Variants in CCNJL observed in about 807,000 individuals in gnomAD.
CCNJL encodes the protein cyclin-J-like protein.
In CCNJL, 33 loss-of-function variants were observed where a neutral mutation model predicts 33.4. The observed-to-expected ratio is 0.99, with a 90% CI of 0.75 to 1.32. The LOEUF is 1.32. CCNJL is among the 40% of genes most tolerant of loss of function. The pLI is 0.00. For missense variants in CCNJL, 512 were observed against 499.7 expected, an observed-to-expected ratio of 1.02 and a Z score of -0.23; for synonymous variants, 227 against 220.9, an observed-to-expected ratio of 1.03 and a Z score of -0.24.
chr5:160,279,634 G>A (rs1280777835), intron 3 of CCNJL, among the ~76,000 whole-genome samples: 1 of 152,136 alleles, frequency 6.6e-6, no homozygotes, highest in Admixed American at 6.6e-5. Context: ...CTAGAGCCTC[G>A]GTGATGTTTA....
At chr5:160,328,879 C>CA (rs558876567) in intron 1 of CCNJL, among the ~76,000 whole-genome samples, 11,326 of 139,752 alleles carry the variant, frequency 0.081, 1,514 homozygotes, top group African/African-American at 0.28. Context: ...GACTCTGTCT[C>CA]AAAAAAAAAA....
At chr5:160,254,300 C>G in intron 5 of CCNJL, 1 of 666,262 alleles carries the variant, frequency 1.5e-6, no homozygotes, top group Non-Finnish European at 2.7e-6. Context: ...ACCAAATTGA[C>G]CGCTGGGGCC....
chr5:160,333,268 A>G (rs1171853998), intron 1 of CCNJL, among the ~76,000 whole-genome samples: 1 of 151,772 alleles, frequency 6.6e-6, no homozygotes, highest in Non-Finnish European at 1.5e-5. Context: ...GACTACAGGC[A>G]CCCGCCACCA....
chr5:160,267,905 T>G (rs1211881595), intron 3 of CCNJL, among the ~76,000 whole-genome samples: 1 of 152,194 alleles, frequency 6.6e-6, no homozygotes, highest in Admixed American at 6.5e-5. Flanking sequence ...TTGCTTACGC[T>G]ACTTAGCAAT....
At chr5:160,266,450 C>A (rs1032898451) in intron 3 of CCNJL, among the ~76,000 whole-genome samples, 1 of 152,212 alleles carries the variant, frequency 6.6e-6, no homozygotes, top group Non-Finnish European at 1.5e-5. Context: ...TGACCAGGGA[C>A]AGCCAGGATT....
chr5:160,255,444 C>T, intron 5 of CCNJL, 105 bp downstream of exon 5: 1 of 1,030,330 alleles, frequency 9.7e-7, no homozygotes, highest in South Asian at 1.7e-5. Flanking sequence ...CTGGAAGAAC[C>T]ACCACAAGTT....
intron 2 of CCNJL, among the ~76,000 whole-genome samples, chr5:160,302,449 C>T (rs1762954078): frequency 1.3e-5 from 2 of 152,118 alleles, no homozygotes; most frequent in East Asian, 1.9e-4. Flanking sequence ...CTACAATTAG[C>T]GAAATATATC....
intron 4 of CCNJL, among the ~76,000 whole-genome samples, chr5:160,258,869 T>C (rs1761193106): frequency 6.6e-6 from 1 of 152,144 alleles, no homozygotes; most frequent in Non-Finnish European, 1.5e-5. Context: ...GTTAATATTT[T>C]GTATTTTAGT....
At chr5:160,275,156 C>T in intron 3 of CCNJL, among the ~76,000 whole-genome samples, 1 of 149,580 alleles carries the variant, frequency 6.7e-6, no homozygotes, top group Non-Finnish European at 1.5e-5. Flanking sequence ...GCAATCTTGG[C>T]TCACTGCAAC....
At chr5:160,281,528 T>C (rs1356286032) in intron 2 of CCNJL, 3 of 152,286 alleles carry the variant, frequency 2.0e-5, no homozygotes, top group Non-Finnish European at 1.5e-5. Flanking sequence ...TTTGTCTAAC[T>C]CAAGAAAAAC....
In CCNJL at chr5:160,293,530, C is replaced by T. The variant is rs150649124; in HGVS notation, c.67-12792G>A. Reference sequence around the variant, plus strand: ...GAACTAAAGTCTCCAGCAATTCCATCAGCACGTAAATACTCGGAGAATGTA... The same window carrying T: ...GAACTAAAGTCTCCAGCAATTCCATTAGCACGTAAATACTCGGAGAATGTA... On this transcript the variant is annotated intron_variant, in intron 2 of 5. Coordinates refer to ENST00000257536, the MANE Select transcript of CCNJL (RefSeq NM_001308173.3). Among the ~76,000 whole-genome samples, 271 of 152,328 alleles carry T rather than the reference C, an allele frequency of 1.8e-3. 3 individuals are homozygous for T. The highest frequency in any genetic ancestry group is 6.2e-3 in the African/African-American group (258 of 41,574).
intron 1 of CCNJL, among the ~76,000 whole-genome samples, chr5:160,325,295 C>T (rs1763520975): frequency 6.6e-6 from 1 of 152,206 alleles, no homozygotes; most frequent in South Asian, 2.1e-4. Context: ...ACACCAGCTT[C>T]CCTACAGTGC....
upstream of CCNJL, among the ~76,000 whole-genome samples, chr5:160,316,592 C>T (rs1763382640): frequency 6.6e-6 from 1 of 152,202 alleles, no homozygotes; most frequent in South Asian, 2.1e-4. Flanking sequence ...GGTCCCAGGC[C>T]TTGTTCTCCT....
At chr5:160,270,773 G>A (rs983012132) in intron 3 of CCNJL, among the ~76,000 whole-genome samples, 1 of 152,118 alleles carries the variant, frequency 6.6e-6, no homozygotes, top group Non-Finnish European at 1.5e-5. Flanking sequence ...TTACTCTCCT[G>A]CTGATAAAAA....
In CCNJL at chr5:160,253,147, T is replaced by C. The variant is rs1377415825; in HGVS notation, c.*231A>G. 2.3e-6 allele frequency: 1 copy of C among 437,996 alleles called. No individual in the cohort carries two copies. The highest frequency in any genetic ancestry group is 2.0e-5 in the African/African-American group (1 of 50,004). 27.1% of individuals were successfully genotyped at this position (437,996 alleles called of 1,614,324 possible). A position where few individuals can be genotyped will look rare whatever the true frequency, so the allele number is the denominator to read the frequency against. ...GGGGGACGGCCACCAAGCCATCCTT[T>C]TGTACCCTAGCCACACGTGGCAGAC... On this transcript the variant is annotated 3_prime_UTR_variant, in exon 6 of 6. Coordinates refer to ENST00000257536, the MANE Select transcript of CCNJL (RefSeq NM_001308173.3).
chr5:160,276,630 G>A (rs562463112), intron 3 of CCNJL, among the ~76,000 whole-genome samples: 33 of 152,204 alleles, frequency 2.2e-4, no homozygotes, highest in African/African-American at 1.9e-4. Context: ...AGGAAGAAAC[G>A]GCAAGTGACT....
chr5:160,272,568 A>T (rs1761874717), intron 3 of CCNJL, among the ~76,000 whole-genome samples: 1 of 152,216 alleles, frequency 6.6e-6, no homozygotes, highest in East Asian at 1.9e-4. Context: ...AGGGGCCGGG[A>T]TGGAGAAGAG....
chr5:160,254,951 G>A (rs1230973784), intron 5 of CCNJL: 3 of 152,156 alleles, frequency 2.0e-5, no homozygotes, highest in Non-Finnish European at 4.4e-5. Context: ...ATTACACTGG[G>A]ACTTAGATCA....
rs1442150469 is a variant in CCNJL at position 160,250,150 on chromosome 5, C to T, written c.*3228G>A. On this transcript the variant is annotated 3_prime_UTR_variant, in exon 6 of 6. Transcript: ENST00000257536. ...CAAGTGGATCCCTCTGGCTGAAGGC[C>T]ACAGAGGTCACAGCCTCTGTGGCAC... The T allele has an allele frequency of 6.6e-6, 1 of 152,170 alleles. No homozygotes were observed. Among genetic ancestry groups the T allele is most frequent in the African/African-American group, 2.4e-5 (1 of 41,434 alleles). The allele number at this position is 152,170 out of a possible 1,614,324, so 9.4% of individuals were successfully genotyped here.
Sources: allele counts gnomAD v4.1 joint callset (sites outside exome capture counted in the v4.1 genomes callset), GRCh38; gene constraint gnomAD v4.1.1; transcripts MANE v1.5; gene names NCBI Gene and HGNC (gene_info 2026-07-23, HGNC 2026-07-21).